The following TEDC1 variants were observed in gnomAD, a reference collection of about 807,000 sequenced individuals.
The protein encoded by TEDC1 is tubulin epsilon and delta complex protein 1.
In TEDC1, 54 loss-of-function variants were observed where a neutral mutation model predicts 59.9. The observed-to-expected ratio is 0.90, with a 90% CI of 0.72 to 1.13. The LOEUF is 1.13. Ranked by LOEUF, TEDC1 falls within the 50% of genes most tolerant of loss-of-function variation. The probability of loss-of-function intolerance (pLI) is 0.00; values close to 1 mark genes in which losing one functional copy is unlikely to be tolerated. For synonymous variants in TEDC1, 353 were observed against 298.1 expected, an observed-to-expected ratio of 1.18 and a Z score of -1.90; for missense variants, 734 against 683.4, an observed-to-expected ratio of 1.07 and a Z score of -0.83.
At position 105,497,448 on chromosome 14, in the gene TEDC1, G is replaced by C. The variant is rs2084372053; in HGVS notation, c.978+5G>C. On this transcript the variant is annotated splice_donor_5th_base_variant and intron_variant, in intron 7 of 8. Coordinates refer to ENST00000392523, the MANE Select transcript of TEDC1 (RefSeq NM_001367178.1). ...CTGGTCTTCTGGCGGTGGATGGTGA[G>C]GAAGCCCGCGCATCCCTCTCCCGGC... 1 of 1,544,518 alleles carries C rather than the reference G, an allele frequency of 6.5e-7. No individual in the cohort carries two copies. Among genetic ancestry groups the C allele is most frequent in the Admixed American group, 2.0e-5 (1 of 51,024 alleles).
chr14:105,490,832 T>G, upstream of TEDC1: 1 of 640,030 alleles, frequency 1.6e-6, no homozygotes, highest in Non-Finnish European at 2.8e-6. Flanking sequence ...CAGGGCGCCT[T>G]CCGGAGTCTG....
Position 105,491,661 on chromosome 14 carries a change from C to A in TEDC1, c.187C>A (p.Pro63Thr). The change falls in exon 2 of 9, where the codon CCA becomes ACA. Residue 63 changes from proline (P) to threonine (T), a missense_variant. By Grantham distance (38) the Pro-to-Thr change is conservative (BLOSUM62 -1). Coordinates refer to ENST00000392523, the MANE Select transcript of TEDC1 (RefSeq NM_001367178.1). Reference protein sequence around the residue: ...LWQLLFRVLSPLPAGNALASL... With the variant: ...LWQLLFRVLSTLPAGNALASL... Reference sequence around the variant, plus strand: ...GCAGCTCCTCTTCCGTGTGCTCTCGCCACTCCCTGCGGGCAACGCCTTGGC... The same window carrying A: ...GCAGCTCCTCTTCCGTGTGCTCTCGACACTCCCTGCGGGCAACGCCTTGGC... The A allele has an allele frequency of 6.5e-7, 1 of 1,549,688 alleles. No homozygotes were observed. The highest frequency in any genetic ancestry group is 1.4e-5 in the African/African-American group (1 of 73,172).
chr14:105,498,455 C>T (rs1380391719), intron 8 of TEDC1, among the ~76,000 whole-genome samples, 162 bp from the exon 9 acceptor site: 2 of 152,222 alleles, frequency 1.3e-5, no homozygotes, highest in African/African-American at 4.8e-5. Context: ...AAATTGCAGG[C>T]ATGATTTTCC....
chr14:105,490,996 G>A (rs1452332375), upstream of TEDC1: 26 of 1,541,728 alleles, frequency 1.7e-5, no homozygotes, highest in Non-Finnish European at 2.3e-5. Context: ...CCAGGAGCCC[G>A]GAAGTGGGTC....
chr14:105,492,916 G>A (rs782649984), intron 4 of TEDC1, among the ~76,000 whole-genome samples, 182 bp downstream of exon 4: 36 of 152,268 alleles, frequency 2.4e-4, no homozygotes, highest in Non-Finnish European at 4.4e-4. Flanking sequence ...AGGGGGCAGG[G>A]CTGGGCAGGG....
chr14:105,496,146 G>GGGGGGGGGGGGGGGGGGGCCCCCCC, intron 6 of TEDC1, 60 bp downstream of exon 6: 1 of 331,604 alleles, frequency 3.0e-6, no homozygotes. Flanking sequence ...GGGTGGGAGG[G>GGGGGGGGGGGGGGGGGGGCCCCCCC]GGTGGCGAGG....
intron 7 of TEDC1, 168 bp from the exon 8 acceptor site, chr14:105,497,630 C>G (rs1389092012): frequency 8.9e-7 from 1 of 1,120,174 alleles, no homozygotes; most frequent in Non-Finnish European, 1.2e-6. Flanking sequence ...CCGCCCTCAG[C>G]TCCATGGCCT....
At chr14:105,496,930 C>T (rs950045234) in intron 6 of TEDC1, 28 of 232,700 alleles carry the variant, frequency 1.2e-4, no homozygotes, top group African/African-American at 4.2e-4. Flanking sequence ...GGGGCCTCCC[C>T]GTCCGCCTGC....
intron 5 of TEDC1, 160 bp from the exon 6 acceptor site, chr14:105,495,720 G>C (rs7494205): frequency 0.95 from 609,721 of 643,666 alleles, 295,067 homozygotes; most frequent in East Asian, 1. Context: ...TGGGGCAGAG[G>C]AGAGGCTGCC....
At chr14:105,491,747 C>A in intron 2 of TEDC1, 47 bp downstream of exon 2, 2 of 1,522,968 alleles carry the variant, frequency 1.3e-6, no homozygotes, top group South Asian at 2.4e-5. Flanking sequence ...CTGGCCCCGC[C>A]TACTCCTGTA....
Position 105,496,080 on chromosome 14 carries a change from T to C in TEDC1, c.885T>C (p.Phe295=), listed in dbSNP as rs587701250. ...CAGCCTGCAGCCTGCTCTCCCCTTT[T>C]AGGGCGGTAAGTCGGGGAGGCTGGC... ...GASACSLLSP[F]RALLRTLERE... The change falls in exon 6 of 9, where the codon TTT becomes TTC. Residue 295 remains phenylalanine (F), a synonymous_variant. Coordinates refer to ENST00000392523, the MANE Select transcript of TEDC1 (RefSeq NM_001367178.1). 4.2e-6 allele frequency: 5 copies of C among 1,176,818 alleles called. No homozygotes were observed. In the East Asian group the frequency reaches 3.2e-4, roughly 74 times the overall value. The allele number at this position is 1,176,818 out of a possible 1,614,324, so 72.9% of individuals were successfully genotyped here.
At chr14:105,493,242 G>A (rs2084258083) in intron 4 of TEDC1, among the ~76,000 whole-genome samples, 1 of 152,078 alleles carries the variant, frequency 6.6e-6, no homozygotes, top group African/African-American at 2.4e-5. Context: ...TGGGTCTGTG[G>A]CAGCGGCGGG....
upstream of TEDC1, chr14:105,490,968 T>A (rs1232537007): frequency 1.4e-5 from 20 of 1,449,802 alleles, no homozygotes; most frequent in Non-Finnish European, 1.8e-5. Context: ...TGCGGTGTTC[T>A]CCATATCAAC....
At chr14:105,493,136 G>A (rs1004414787) in intron 4 of TEDC1, among the ~76,000 whole-genome samples, 1 of 152,136 alleles carries the variant, frequency 6.6e-6, no homozygotes, top group South Asian at 2.1e-4. Flanking sequence ...TGACTTGCGG[G>A]GTGGACAGCT....
At position 105,498,620 on chromosome 14, in the gene TEDC1, G is replaced by A. The variant is rs1555440992; in HGVS notation, c.1162G>A (p.Gly388Arg). The change falls in exon 9 of 9, where the codon GGA (glycine) becomes AGA (arginine). Residue 388 changes from glycine (G) to arginine (R), a missense_variant. Coordinates refer to ENST00000392523, the MANE Select transcript of TEDC1 (RefSeq NM_001367178.1). The part of the protein sequence containing the change: ...RRRAAWEAKA[G>R]GCGRGPEWSA... ...ATTGCCATTGTGTCCCACGCAGGCT[G>A]GAGGCTGTGGACGGGGGCCAGAGTG... The A allele has an allele frequency of 1.3e-6, 2 of 1,542,724 alleles. No homozygotes were observed. The highest frequency in any genetic ancestry group is 2.4e-5 in the South Asian group (2 of 82,620).
Position 105,495,938 on chromosome 14 carries a change from C to T in TEDC1, c.743C>T (p.Ser248Phe). Residue 248 changes from serine (S) to phenylalanine (F), a missense_variant, in exon 6 of 9, where the codon TCC becomes TTC. Physicochemically the swap from Ser to Phe is radical, Grantham distance 155. Coordinates refer to ENST00000392523, the MANE Select transcript of TEDC1 (RefSeq NM_001367178.1). ...LDLAYPKCLH[S>F]FCTPGMGPRT... ...CTGGCCTACCCAAAGTGCCTGCACT[C>T]CTTCTGCACTCCTGGGATGGGTCCC... is the stretch of plus-strand genomic sequence containing the variant. The T allele has an allele frequency of 6.5e-7, 1 of 1,550,380 alleles. No individual in the cohort carries two copies. The highest frequency in any genetic ancestry group is 8.7e-7 in the Non-Finnish European group (1 of 1,146,936).
At chr14:105,492,512 TC>T in intron 3 of TEDC1, 66 bp from the exon 4 acceptor site, 3 of 1,501,736 alleles carry the variant, frequency 2.0e-6, no homozygotes, top group Non-Finnish European at 2.7e-6. Context: ...CACTACCGTC[TC>T]CATCCTGGCC....
In TEDC1 at chr14:105,491,633, C is replaced by G; in HGVS notation, c.159C>G (p.Leu53=). The part of the protein sequence containing the change: ...KFDRPEATSA[L]WQLLFRVLSP... Reference sequence around the variant, plus strand: ...TTTATTTTCCGCAGACCTCCGCGCTCTGGCAGCTCCTCTTCCGTGTGCTCT... The same window carrying G: ...TTTATTTTCCGCAGACCTCCGCGCTGTGGCAGCTCCTCTTCCGTGTGCTCT... Residue 53 remains leucine, a synonymous_variant, in exon 2 of 9, where the codon CTC becomes CTG. Transcript: ENST00000392523. The G allele has an allele frequency of 6.5e-7, 1 of 1,549,746 alleles. No individual in the cohort carries two copies. Among genetic ancestry groups the G allele is most frequent in the Non-Finnish European group, 8.7e-7 (1 of 1,146,826 alleles).
In TEDC1 at chr14:105,491,315, T is replaced by C. The variant is rs2084200381; in HGVS notation, c.-61T>C. The stretch of plus-strand genomic sequence containing the variant: ...CACTAAACCCGGCCCGTGCGGTGAT[T>C]GGACGCAGGCCCCGGGCCGCGGCGG... On this transcript the variant is annotated 5_prime_UTR_variant, in exon 1 of 9. Transcript: ENST00000392523. 6 of 1,483,930 alleles carry C rather than the reference T, an allele frequency of 4.0e-6. No homozygotes were observed. Among genetic ancestry groups the C allele is most frequent in the South Asian group, 3.9e-5 (3 of 76,172 alleles). 91.9% of individuals were successfully genotyped at this position (1,483,930 alleles called of 1,614,324 possible). A position where few individuals can be genotyped will look rare whatever the true frequency, so the allele number is the denominator to read the frequency against.
Sources: allele counts gnomAD v4.1 joint callset (sites outside exome capture counted in the v4.1 genomes callset), GRCh38; gene constraint gnomAD v4.1.1; transcripts MANE v1.5; gene names NCBI Gene and HGNC (gene_info 2026-07-23, HGNC 2026-07-21).